ILRUN: variants seen among roughly 807,000 people sequenced by gnomAD.
ILRUN encodes the protein inflammation and lipid regulator with UBA-like and NBR1-like domains.
Under a neutral mutation model 33.8 loss-of-function variants are expected in ILRUN, and 3 were observed. The observed-to-expected ratio is 0.09, with a 90% confidence interval of 0.04 to 0.23. The LOEUF is 0.23. ILRUN is among the 10% of genes least tolerant of loss of function. ILRUN has a pLI of 1.00. For synonymous variants in ILRUN, 124 were observed against 138.9 expected (o/e 0.89, Z 0.75); for missense variants, 210 against 375.1 (o/e 0.56, Z 3.64).
At position 34,587,707 on chromosome 6, in the gene ILRUN, G is replaced by A. The variant is rs1761221297; in HGVS notation, c.*2858C>T. On this transcript the variant is annotated 3_prime_UTR_variant, in exon 5 of 5. Transcript: ENST00000374023. ...AAGGTTACAGCCAGTCCTTATGGGG[G>A]AGAGAAGGCTGACTGCTTCTTGTAG... The A allele has an allele frequency of 5.2e-6, 1 of 190,650 alleles. No individual in the cohort carries two copies. The highest frequency in any genetic ancestry group is 1.3e-4 in the East Asian group (1 of 7,930). 11.8% of individuals were successfully genotyped at this position (190,650 alleles called of 1,614,324 possible). A position where few individuals can be genotyped will look rare whatever the true frequency, so the allele number is the denominator to read the frequency against.
chr6:34,620,602 G>A (rs1455736852), intron 3 of ILRUN, among the ~76,000 whole-genome samples: 1 of 152,114 alleles, frequency 6.6e-6, no homozygotes, highest in Non-Finnish European at 1.5e-5. Context: ...CTCCCAGGAG[G>A]CTAAGGTAGA....
chr6:34,593,912 TC>T (rs760571825), intron 4 of ILRUN, among the ~76,000 whole-genome samples: 1 of 151,698 alleles, frequency 6.6e-6, no homozygotes. Flanking sequence ...GTCTGGGGAG[TC>T]CTATGGCAGT....
intron 1 of ILRUN, among the ~76,000 whole-genome samples, chr6:34,690,648 T>C (rs1285780345): frequency 6.6e-6 from 1 of 152,090 alleles, no homozygotes; most frequent in Admixed American, 6.6e-5. Flanking sequence ...CATGTTTAAA[T>C]TTTACATAGT....
intron 1 of ILRUN, among the ~76,000 whole-genome samples, chr6:34,655,223 C>T (rs1190115850): frequency 6.6e-6 from 1 of 152,150 alleles, no homozygotes; most frequent in African/African-American, 2.4e-5. Context: ...GCGATCCATC[C>T]ATCTCAGCCT....
At position 34,617,492 on chromosome 6, in the gene ILRUN, G is replaced by A. The variant is rs143795777; in HGVS notation, c.512-10588C>T. On this transcript the variant is annotated intron_variant, in intron 3 of 4. Coordinates refer to ENST00000374023, the MANE Select transcript of ILRUN (RefSeq NM_024294.4). Reference sequence around the variant, plus strand: ...TCTGCACTGCCACATAATTTACTCAGCACAGTAGCCACGCTCCCCTGACAC... The same window carrying A: ...TCTGCACTGCCACATAATTTACTCAACACAGTAGCCACGCTCCCCTGACAC... Among the ~76,000 whole-genome samples, 4 of 152,266 alleles carry A rather than the reference G, an allele frequency of 2.6e-5. No homozygotes were observed. In the East Asian group the frequency reaches 7.7e-4, roughly 29 times the overall value.
chr6:34,633,769 G>A (rs557683484), intron 3 of ILRUN, among the ~76,000 whole-genome samples: 1 of 149,994 alleles, frequency 6.7e-6, no homozygotes, highest in East Asian at 2.0e-4. Flanking sequence ...GGCAGAGTGA[G>A]ACCCTGTCAG....
At chr6:34,659,931 T>C (rs924033278) in intron 1 of ILRUN, among the ~76,000 whole-genome samples, 3 of 151,942 alleles carry the variant, frequency 2.0e-5, no homozygotes, top group Non-Finnish European at 4.4e-5. Context: ...CATAAGGCAG[T>C]CTTAGGAAGA....
intron 1 of ILRUN, among the ~76,000 whole-genome samples, chr6:34,659,165 G>A (rs1174428842): frequency 6.6e-6 from 1 of 152,180 alleles, no homozygotes; most frequent in Non-Finnish European, 1.5e-5. Flanking sequence ...AATGCCTCTC[G>A]CACAGAGGCT....
In ILRUN at chr6:34,646,054, G is replaced by C. The variant is rs1762557653; in HGVS notation, c.511+547C>G. Among the ~76,000 whole-genome samples, 1 of 152,214 alleles carries C rather than the reference G, an allele frequency of 6.6e-6. No individual in the cohort carries two copies. The highest frequency in any genetic ancestry group is 2.1e-4 in the South Asian group (1 of 4,830). On this transcript the variant is annotated intron_variant, in intron 3 of 4. Coordinates refer to ENST00000374023, the MANE Select transcript of ILRUN (RefSeq NM_024294.4). The surrounding 1 kb of genome is among the most constrained non-coding windows in gnomAD (Gnocchi z 4.9). ...AATGAGGCTACTGGATTTGGAAACA[G>C]GGTAGTCCCTGATTAACTTTCATTG...
chr6:34,624,279 G>A, intron 3 of ILRUN, among the ~76,000 whole-genome samples: 1 of 152,060 alleles, frequency 6.6e-6, no homozygotes. Flanking sequence ...TCTATAACTA[G>A]AAAGTCAAAT....
At chr6:34,651,789 CTTTT>C (rs11288958) in intron 2 of ILRUN, among the ~76,000 whole-genome samples, 3,545 of 102,858 alleles carry the variant, frequency 0.034, 117 homozygotes, top group African/African-American at 0.14. Context: ...TTCCAAAAAA[CTTTT>C]TTTTTTTTTT....
intron 3 of ILRUN, among the ~76,000 whole-genome samples, chr6:34,619,755 C>T (rs1233388481): frequency 2.0e-5 from 3 of 152,036 alleles, no homozygotes; most frequent in African/African-American, 4.8e-5. Flanking sequence ...GAGGCTGAGG[C>T]GGGTGGATCA....
intron 1 of ILRUN, among the ~76,000 whole-genome samples, chr6:34,679,148 GAA>G (rs61550299): frequency 7.3e-5 from 10 of 136,550 alleles, no homozygotes; most frequent in Non-Finnish European, 1.3e-4. Context: ...AAATTGGGAG[GAA>G]AAAAAAAAAA....
intron 1 of ILRUN, among the ~76,000 whole-genome samples, chr6:34,684,730 A>G (rs1181781289): frequency 6.6e-6 from 1 of 152,254 alleles, no homozygotes; most frequent in African/African-American, 2.4e-5. Context: ...AGGAAAGAAT[A>G]GCATTCTAAG....
At chr6:34,642,704 G>C (rs1318588946) in intron 3 of ILRUN, among the ~76,000 whole-genome samples, 1 of 149,544 alleles carries the variant, frequency 6.7e-6, no homozygotes, top group African/African-American at 2.4e-5. Flanking sequence ...ACAGTGTTCT[G>C]AGAGCTGGGC....
At chr6:34,642,219 C>T (rs1271050365) in intron 3 of ILRUN, among the ~76,000 whole-genome samples, 2 of 152,152 alleles carry the variant, frequency 1.3e-5, no homozygotes, top group Non-Finnish European at 2.9e-5. Context: ...CCCATAGCAG[C>T]GGACCATCCA....
intron 4 of ILRUN, among the ~76,000 whole-genome samples, chr6:34,603,450 C>T (rs559386624): frequency 2.0e-5 from 3 of 152,228 alleles, no homozygotes; most frequent in Admixed American, 6.5e-5. Flanking sequence ...CCGGCTAAAA[C>T]GGTGAAACCC....
intron 3 of ILRUN, among the ~76,000 whole-genome samples, chr6:34,623,240 TACC>T (rs1428994406): frequency 6.6e-6 from 1 of 152,240 alleles, no homozygotes; most frequent in Non-Finnish European, 1.5e-5. Flanking sequence ...TGTGTTATTT[TACC>T]ACAATTAATC....
chr6:34,630,486 C>A (rs1011921406), intron 3 of ILRUN, among the ~76,000 whole-genome samples: 1 of 152,102 alleles, frequency 6.6e-6, no homozygotes. Context: ...TGGGTTCAAA[C>A]GATTCTCCTG....
Sources: gnomAD v4.1 joint callset for allele counts (sites outside exome capture counted in the v4.1 genomes callset) on GRCh38, gnomAD v4.1.1 for gene constraint, Gnocchi (gnomAD v3.1) non-coding constraint, MANE v1.5 for transcripts, NCBI Gene and HGNC (gene_info 2026-07-23, HGNC 2026-07-21) for gene names.